EIF2S2: variants seen among roughly 807,000 people sequenced by gnomAD.
EIF2S2 encodes the protein eukaryotic translation initiation factor 2 subunit beta.
A neutral mutation model predicts 44.0 loss-of-function variants in EIF2S2; 4 were observed. The ratio of observed to expected loss-of-function variants is 0.09; its 90% confidence interval spans 0.04 to 0.21. The LOEUF is 0.21. EIF2S2 is among the 10% of genes least tolerant of loss of function. The pLI, the probability that EIF2S2 is intolerant of heterozygous loss-of-function variation, is 1.00. For missense variants in EIF2S2, 154 were observed against 392.0 expected (o/e 0.39, Z 5.13); for synonymous variants, 108 against 128.3 (o/e 0.84, Z 1.07).
At chr20:34,091,908 A>G (rs1295069265) in intron 7 of EIF2S2, among the ~76,000 whole-genome samples, 1 of 151,982 alleles carries the variant, frequency 6.6e-6, no homozygotes, top group African/African-American at 2.4e-5. Context: ...TGTTATCTCA[A>G]TAAAGCTGTT....
intron 1 of EIF2S2, among the ~76,000 whole-genome samples, chr20:34,111,046 T>C (rs1177591573): frequency 6.6e-6 from 1 of 152,198 alleles, no homozygotes; most frequent in Non-Finnish European, 1.5e-5. Flanking sequence ...AGGACTGTTG[T>C]GAGAACCAAG....
chr20:34,093,905 T>C (rs1047628824), intron 6 of EIF2S2, among the ~76,000 whole-genome samples, 174 bp from the exon 7 acceptor site: 3 of 152,340 alleles, frequency 2.0e-5, no homozygotes, highest in African/African-American at 7.2e-5. Context: ...CTTTTTTTAT[T>C]GTTAAGAGAC....
At chr20:34,090,657 A>G in intron 7 of EIF2S2, 55 bp from the exon 8 acceptor site, 1 of 1,018,544 alleles carries the variant, frequency 9.8e-7, no homozygotes, top group Admixed American at 2.7e-5. Flanking sequence ...TAAAGGAACC[A>G]AATTCCAGCA....
intron 3 of EIF2S2, among the ~76,000 whole-genome samples, chr20:34,100,107 C>T (rs2034278578): frequency 6.6e-6 from 1 of 152,176 alleles, no homozygotes; most frequent in Non-Finnish European, 1.5e-5. Context: ...CTCCGCCTCT[C>T]GGGTTCAAGT....
chr20:34,093,549 C>A, intron 7 of EIF2S2, 126 bp downstream of exon 7: 1 of 777,506 alleles, frequency 1.3e-6, no homozygotes, highest in Non-Finnish European at 2.0e-6. Flanking sequence ...TTCACTCCTC[C>A]ACTGGCCTAA....
Position 34,112,222 on chromosome 20 carries a change from T to G in EIF2S2, c.-112A>C, listed in dbSNP as rs2034424219. On this transcript the variant is annotated 5_prime_UTR_variant, in exon 1 of 9. Coordinates refer to ENST00000374980, the MANE Select transcript of EIF2S2 (RefSeq NM_003908.5). ...CTCTCCCACCACCGCACTAGGCTCT[T>G]GCATCAGCGAAAGGAAACGACACCC... The G allele has an allele frequency of 1.6e-6, 2 of 1,214,240 alleles. No homozygotes were observed. The highest frequency in any genetic ancestry group is 2.2e-6 in the Non-Finnish European group (2 of 913,364). The allele number at this position is 1,214,240 out of a possible 1,614,324, so 75.2% of individuals were successfully genotyped here.
In EIF2S2 at chr20:34,101,318, C is replaced by T. The variant is rs1156666530; in HGVS notation, c.297+2144G>A. On this transcript the variant is annotated intron_variant, in intron 3 of 8. Coordinates refer to ENST00000374980, the MANE Select transcript of EIF2S2 (RefSeq NM_003908.5). ...AATAGCCCAGCGTGGTGGCGGGTGCCTGTAAACCCAGCTATTCAGGAAGCT... is the reference window on the plus strand; with the variant it reads ...AATAGCCCAGCGTGGTGGCGGGTGCTTGTAAACCCAGCTATTCAGGAAGCT... Among the ~76,000 whole-genome samples, 3 of 152,284 alleles carry T rather than the reference C, an allele frequency of 2.0e-5. No individual in the cohort carries two copies. The East Asian group carries it at 5.8e-4, about 29-fold the overall frequency.
chr20:34,106,806 C>A (rs1161866611), intron 1 of EIF2S2, among the ~76,000 whole-genome samples: 1 of 152,130 alleles, frequency 6.6e-6, no homozygotes, highest in Non-Finnish European at 1.5e-5. Flanking sequence ...AGACTATCTG[C>A]TTGCACTGAT....
intron 1 of EIF2S2, 117 bp downstream of exon 1, chr20:34,111,979 G>T: frequency 1.7e-6 from 2 of 1,177,772 alleles, no homozygotes; most frequent in Non-Finnish European, 2.2e-6. Context: ...CCGCCTAGGC[G>T]CGGCTGCCTC....
Position 34,088,812 on chromosome 20 carries a change from G to T in EIF2S2, c.*918C>A, listed in dbSNP as rs1036443654. ...GTTTCTCATGGTCATATTCAAAAGCGACTTTTAAATCAGAAAATAGAAAAA... is the reference window on the plus strand; with the variant it reads ...GTTTCTCATGGTCATATTCAAAAGCTACTTTTAAATCAGAAAATAGAAAAA... On this transcript the variant is annotated 3_prime_UTR_variant, in exon 9 of 9. Coordinates refer to ENST00000374980, the MANE Select transcript of EIF2S2 (RefSeq NM_003908.5). 1 of 152,144 alleles carries T rather than the reference G, an allele frequency of 6.6e-6. No individual in the cohort carries two copies. Among genetic ancestry groups the T allele is most frequent in the Non-Finnish European group, 1.5e-5 (1 of 68,020 alleles). The allele number at this position is 152,144 out of a possible 1,614,324, so 9.4% of individuals were successfully genotyped here. A position where few individuals can be genotyped will look rare whatever the true frequency, so the allele number is the denominator to read the frequency against.
chr20:34,110,072 C>T (rs1218863939), intron 1 of EIF2S2, among the ~76,000 whole-genome samples: 2 of 144,990 alleles, frequency 1.4e-5, no homozygotes, highest in Non-Finnish European at 3.0e-5. Context: ...CACTCCAGTC[C>T]AGCGACAGTG....
intron 3 of EIF2S2, among the ~76,000 whole-genome samples, chr20:34,099,953 C>T (rs1169968037): frequency 2.6e-5 from 4 of 152,170 alleles, no homozygotes; most frequent in Admixed American, 2.0e-4. Context: ...CATGTTAGCT[C>T]TCCGAACCCA....
At chr20:34,104,272 C>T (rs1040992688) in intron 2 of EIF2S2, among the ~76,000 whole-genome samples, 6 of 152,136 alleles carry the variant, frequency 3.9e-5, no homozygotes, top group East Asian at 1.9e-4. Flanking sequence ...AATATACGTG[C>T]GGTCTCTCAC....
chr20:34,107,503 A>T lies in EIF2S2; in HGVS notation c.16-1958T>A, dbSNP rs931077545. On this transcript the variant is annotated intron_variant, in intron 1 of 8. Transcript: ENST00000374980. Reference sequence around the variant, plus strand: ...ACTGGGAGGGTTAAAGAAGTATGTAAATGTAAAACACTTGCCATAGTGCCT... The same window carrying T: ...ACTGGGAGGGTTAAAGAAGTATGTATATGTAAAACACTTGCCATAGTGCCT... 2.6e-5 allele frequency among the ~76,000 whole-genome samples: 4 copies of T among 152,334 alleles called. No homozygotes were observed. The East Asian group carries it at 7.7e-4, about 29-fold the overall frequency.
In EIF2S2 at chr20:34,101,935, A is replaced by C. The variant is rs535269708; in HGVS notation, c.297+1527T>G. On this transcript the variant is annotated intron_variant, in intron 3 of 8. Coordinates refer to ENST00000374980, the MANE Select transcript of EIF2S2 (RefSeq NM_003908.5). ...GGTGATCTGCCCACCTCGGCCTCCCAAAGTGCTGGGATTACAGGCATGAGA... is the reference window on the plus strand; with the variant it reads ...GGTGATCTGCCCACCTCGGCCTCCCCAAGTGCTGGGATTACAGGCATGAGA... Among the ~76,000 whole-genome samples the C allele has an allele frequency of 6.6e-5, 10 of 152,212 alleles. No homozygotes were observed. The South Asian group carries it at 2.1e-3, about 32-fold the overall frequency.
chr20:34,093,741 A>C lies in EIF2S2; in HGVS notation c.684-10T>G. 1 of 1,596,736 alleles carries C rather than the reference A, an allele frequency of 6.3e-7. No individual in the cohort carries two copies. The highest frequency in any genetic ancestry group is 1.3e-5 in the African/African-American group (1 of 74,644). ...GGGCTGACGATGTAATCTAAAAAGA[A>C]AATCAAAATATATAAACCTTATCTC... is the stretch of plus-strand genomic sequence containing the variant. On this transcript the variant is annotated splice_polypyrimidine_tract_variant and intron_variant, in intron 6 of 8. Coordinates refer to ENST00000374980, the MANE Select transcript of EIF2S2 (RefSeq NM_003908.5).
At chr20:34,109,695 A>G (rs1359488727) in intron 1 of EIF2S2, among the ~76,000 whole-genome samples, 1 of 152,040 alleles carries the variant, frequency 6.6e-6, no homozygotes, top group Non-Finnish European at 1.5e-5. Context: ...AACAAAAAAA[A>G]TCATAGTTCT....
chr20:34,101,903 G>T (rs1000159291), intron 3 of EIF2S2, among the ~76,000 whole-genome samples: 1 of 152,082 alleles, frequency 6.6e-6, no homozygotes, highest in Non-Finnish European at 1.5e-5. Context: ...TTGAACTCCT[G>T]ACCTCAGGTG....
At chr20:34,110,548 C>T (rs1240711791) in intron 1 of EIF2S2, among the ~76,000 whole-genome samples, 1 of 152,166 alleles carries the variant, frequency 6.6e-6, no homozygotes, top group Non-Finnish European at 1.5e-5. Flanking sequence ...AGTCCTATGC[C>T]GAAATGCTGG....
Sources: gnomAD v4.1 joint callset for allele counts (sites outside exome capture counted in the v4.1 genomes callset) on GRCh38, gnomAD v4.1.1 for gene constraint, MANE v1.5 for transcripts, NCBI Gene and HGNC (gene_info 2026-07-23, HGNC 2026-07-21) for gene names.